The following DCC variants were observed in gnomAD, a reference collection of about 807,000 sequenced individuals.
DCC encodes the protein DCC netrin 1 receptor, also known as netrin receptor DCC.
Under a neutral mutation model 172.5 loss-of-function variants are expected in DCC, and 58 were observed. The ratio of observed to expected loss-of-function variants is 0.34; its 90% confidence interval spans 0.27 to 0.42. The LOEUF is 0.42. DCC is among the 10% of genes least tolerant of loss of function. The pLI, the probability that DCC is intolerant of heterozygous loss-of-function variation, is 1.00. For missense variants in DCC, 1,740 were observed against 1,791.0 expected, an observed-to-expected ratio of 0.97 and a Z score of 0.51; for synonymous variants, 709 against 644.5, an observed-to-expected ratio of 1.10 and a Z score of -1.52.
chr18:52,523,927 A>G (rs1347696121), intron 1 of DCC, among the ~76,000 whole-genome samples: 2 of 152,216 alleles, frequency 1.3e-5, no homozygotes, highest in Admixed American at 1.3e-4. Flanking sequence ...TGTCCAAGGA[A>G]CAACAAATGA....
At chr18:52,395,571 G>A (rs753732584) in intron 1 of DCC, among the ~76,000 whole-genome samples, 9 of 152,064 alleles carry the variant, frequency 5.9e-5, no homozygotes, top group African/African-American at 1.4e-4. Flanking sequence ...ATCAGTTGGA[G>A]TGACACAGTT....
At chr18:53,175,800 C>A (rs1249348934) in intron 8 of DCC, among the ~76,000 whole-genome samples, 1 of 151,680 alleles carries the variant, frequency 6.6e-6, no homozygotes, top group Non-Finnish European at 1.5e-5. Context: ...CTACCAATGC[C>A]TTTCTTCACA....
chr18:53,370,066 C>G (rs1034994943), intron 15 of DCC, among the ~76,000 whole-genome samples: 7 of 151,626 alleles, frequency 4.6e-5, no homozygotes, highest in Non-Finnish European at 5.9e-5. Context: ...TAGAATTCAC[C>G]TACAAACCCA....
intron 5 of DCC, among the ~76,000 whole-genome samples, chr18:52,979,936 C>A (rs576575067): frequency 6.6e-6 from 1 of 152,350 alleles, no homozygotes; most frequent in East Asian, 1.9e-4. Context: ...CAACTTTCCA[C>A]AGCAGCCCAG....
intron 27 of DCC, among the ~76,000 whole-genome samples, chr18:53,524,207 T>G (rs1360983715): frequency 6.6e-6 from 1 of 152,018 alleles, no homozygotes; most frequent in African/African-American, 2.4e-5. Context: ...CATTCTATAA[T>G]GTATATACAT....
chr18:53,039,068 C>A (rs1398418993), intron 5 of DCC, among the ~76,000 whole-genome samples: 1 of 151,994 alleles, frequency 6.6e-6, no homozygotes, highest in Non-Finnish European at 1.5e-5. Context: ...TGATTCATTT[C>A]ATCTTGCATG....
At chr18:53,450,053 A>G (rs1182222133) in intron 22 of DCC, among the ~76,000 whole-genome samples, 4 of 151,834 alleles carry the variant, frequency 2.6e-5, no homozygotes, top group Non-Finnish European at 5.9e-5. Flanking sequence ...TCCATAGTTT[A>G]TCCATATTAT....
intron 5 of DCC, among the ~76,000 whole-genome samples, chr18:52,948,071 TAGC>T (rs1432118384): frequency 6.6e-6 from 1 of 152,116 alleles, no homozygotes; most frequent in African/African-American, 2.4e-5. Context: ...AATAAAATAA[TAGC>T]AGTATGAAAA....
Position 52,858,436 on chromosome 18 carries a change from A to C in DCC, c.413-47608A>C, listed in dbSNP as rs181300942. Among the ~76,000 whole-genome samples the C allele has an allele frequency of 3.3e-5, 5 of 152,330 alleles. No homozygotes were observed. The East Asian group carries it at 9.7e-4, about 29-fold the overall frequency. On this transcript the variant is annotated intron_variant, in intron 2 of 28. Coordinates refer to ENST00000442544, the MANE Select transcript of DCC (RefSeq NM_005215.4). ...ATTTTATTTGGAACTCACAACACAC[A>C]GAAGCATGTGTCTACTTGGTTGTGG...
At chr18:52,685,461 C>G (rs1477333311) in intron 1 of DCC, among the ~76,000 whole-genome samples, 2 of 152,062 alleles carry the variant, frequency 1.3e-5, no homozygotes, top group African/African-American at 4.8e-5. Flanking sequence ...TTTTGATTCC[C>G]AGTTATGACA....
intron 27 of DCC, among the ~76,000 whole-genome samples, chr18:53,513,569 A>G (rs996676247): frequency 1.3e-5 from 2 of 152,212 alleles, no homozygotes; most frequent in African/African-American, 4.8e-5. Context: ...CAGGAAACCC[A>G]TCTCACATGC....
Position 53,339,800 on chromosome 18 carries a change from C to A in DCC, c.2252C>A (p.Pro751Gln). 1.2e-6 allele frequency: 2 copies of A among 1,613,934 alleles called. No homozygotes were observed. The highest frequency in any genetic ancestry group is 8.5e-7 in the Non-Finnish European group (1 of 1,179,904). Residue 751 changes from proline (P) to glutamine (Q), a missense_variant, in exon 15 of 29, where the codon CCA becomes CAA. By Grantham distance (76) the Pro-to-Gln change is moderately conservative. This residue lies in a region of DCC where 1,732 missense variants were observed against 1,767.4 expected (regional missense o/e 0.98). Coordinates refer to ENST00000442544, the MANE Select transcript of DCC (RefSeq NM_005215.4). ...IIMSWTPPLNPNIVVRGYIIG... is the reference protein window; with the variant it reads ...IIMSWTPPLNQNIVVRGYIIG... ...ATGAGTTGGACTCCTCCCTTGAACCCAAACATCGTGGTGCGAGGTTATATT... is the reference window on the plus strand; with the variant it reads ...ATGAGTTGGACTCCTCCCTTGAACCAAAACATCGTGGTGCGAGGTTATATT...
chr18:52,701,587 T>C (rs1415571672), intron 1 of DCC, among the ~76,000 whole-genome samples: 1 of 152,250 alleles, frequency 6.6e-6, no homozygotes, highest in Admixed American at 6.5e-5. Flanking sequence ...TAAATATTTC[T>C]GAGGCTTATG....
At chr18:53,488,488 G>A (rs779459175) in intron 26 of DCC, among the ~76,000 whole-genome samples, 20 of 152,074 alleles carry the variant, frequency 1.3e-4, no homozygotes, top group African/African-American at 4.6e-4. Flanking sequence ...ATTTTTATTC[G>A]TGTTGTGTTA....
At chr18:52,986,768 TA>T (rs1164361456) in intron 5 of DCC, among the ~76,000 whole-genome samples, 1 of 148,990 alleles carries the variant, frequency 6.7e-6, no homozygotes, top group African/African-American at 2.6e-5. Flanking sequence ...GTAGTATATA[TA>T]TACACATACA....
At position 53,501,535 on chromosome 18, in the gene DCC, T is replaced by TTCTTCACTCACATTTTAATGAGG. The variant is rs753853182; in HGVS notation, c.4111+2026_4111+2048dup. Among the ~76,000 whole-genome samples, 1,180 of 152,284 alleles carry TTCTTCACTCACATTTTAATGAGG rather than the reference T, an allele frequency of 7.7e-3. 12 individuals carry two copies. The highest frequency in any genetic ancestry group is 0.017 in the Middle Eastern group (5 of 294). On this transcript the variant is annotated intron_variant, in intron 27 of 28. Coordinates refer to ENST00000442544, the MANE Select transcript of DCC (RefSeq NM_005215.4). ...TGAAGAATATATTTTCTCATCAGAT[T>TTCTTCACTCACATTTTAATGAGG]TCTTCACTCACATTTTAATGAGGAA...
chr18:53,285,115 A>G (rs919352066), intron 12 of DCC, among the ~76,000 whole-genome samples: 2 of 152,156 alleles, frequency 1.3e-5, no homozygotes, highest in Non-Finnish European at 2.9e-5. Flanking sequence ...TGATGGAAAA[A>G]AAAATCCGAT....
chr18:52,768,113 A>G (rs1442097310), intron 2 of DCC, among the ~76,000 whole-genome samples: 1 of 152,200 alleles, frequency 6.6e-6, no homozygotes, highest in African/African-American at 2.4e-5. Context: ...GTGACATATT[A>G]AATTTTCTAT....
At chr18:52,811,091 AG>A (rs2038189174) in intron 2 of DCC, among the ~76,000 whole-genome samples, 1 of 152,226 alleles carries the variant, frequency 6.6e-6, no homozygotes, top group African/African-American at 2.4e-5. Context: ...TTCAAGCTAT[AG>A]TCTGCATTTC....
Sources: allele counts gnomAD v4.1 joint callset (sites outside exome capture counted in the v4.1 genomes callset), GRCh38; gene constraint gnomAD v4.1.1; regional missense constraint gnomAD v4.1.1; transcripts MANE v1.5; gene names NCBI Gene and HGNC (gene_info 2026-07-23, HGNC 2026-07-21).